The following RGS6 variants were observed in gnomAD, a reference collection of about 807,000 sequenced individuals.
RGS6 encodes regulator of G-protein signaling 6.
RGS6 carries 30 observed loss-of-function variants against 78.5 expected under a neutral mutation model. That is an observed-to-expected ratio of 0.38 (90% CI 0.29 to 0.52). The LOEUF (loss-of-function observed/expected upper bound fraction) is 0.52. RGS6 is among the 20% of genes least tolerant of loss of function. The probability of loss-of-function intolerance (pLI) is 0.85; values close to 1 mark genes in which losing one functional copy is unlikely to be tolerated. For missense variants in RGS6, 495 were observed against 609.7 expected (o/e 0.81, Z 1.98); for synonymous variants, 206 against 206.0 (o/e 1.00, Z 0.00).
chr14:72,281,732 C>A (rs2061620109), intron 2 of RGS6, among the ~76,000 whole-genome samples: 1 of 152,044 alleles, frequency 6.6e-6, no homozygotes, highest in Non-Finnish European at 1.5e-5. Context: ...CAAGCAAAGG[C>A]CCTAAGGCAA....
intron 2 of RGS6, among the ~76,000 whole-genome samples, chr14:72,141,567 G>A (rs938191288): frequency 3.9e-5 from 6 of 152,168 alleles, no homozygotes; most frequent in South Asian, 2.1e-4. Flanking sequence ...AAACCTTGTG[G>A]TTGTCATGCT....
At chr14:72,112,298 G>C (rs1442033856) in intron 2 of RGS6, among the ~76,000 whole-genome samples, 1 of 152,136 alleles carries the variant, frequency 6.6e-6, no homozygotes, top group Non-Finnish European at 1.5e-5. Context: ...CAGTTCGTTG[G>C]TGGTGGTTAT....
Position 72,225,528 on chromosome 14 carries a change from C to A in RGS6, c.85-126567C>A, listed in dbSNP as rs979556621. 7.2e-5 allele frequency among the ~76,000 whole-genome samples: 11 copies of A among 152,144 alleles called. No individual in the cohort carries two copies. The East Asian group carries it at 1.7e-3, about 24-fold the overall frequency. On this transcript the variant is annotated intron_variant, in intron 2 of 17. Transcript: ENST00000553525. ...TAATTTTGTAGAAATGGGTTTTCAT[C>A]ATGTTGCCCAGGCTGGTCTTGAACT...
In RGS6 at chr14:72,225,219, T is replaced by C. The variant is rs145537105; in HGVS notation, c.85-126876T>C. Among the ~76,000 whole-genome samples the C allele has an allele frequency of 4.3e-4, 66 of 152,364 alleles. 1 individual carries two copies. Among genetic ancestry groups the C allele is most frequent in the African/African-American group, 1.6e-3 (65 of 41,588 alleles). On this transcript the variant is annotated intron_variant, in intron 2 of 17. Transcript: ENST00000553525. ...AATGAAGATGATATTCTCTGGCATA[T>C]GAGTTTTGCAACCTCAGGGTTAGTC...
chr14:72,228,642 ATAG>A (rs1276128452), intron 2 of RGS6, among the ~76,000 whole-genome samples: 8 of 152,222 alleles, frequency 5.3e-5, no homozygotes, highest in Admixed American at 5.2e-4. Flanking sequence ...GAATGTAGCA[ATAG>A]TAGTGTGGGA....
intron 1 of RGS6, among the ~76,000 whole-genome samples, chr14:71,936,103 T>C (rs1028035385): frequency 2.7e-5 from 4 of 148,438 alleles, no homozygotes; most frequent in African/African-American, 7.4e-5. Context: ...TATATACATA[T>C]GATATATGTA....
rs1347206888 is a variant in RGS6, at chr14:72,562,469, C to T, written c.*2C>T. On this transcript the variant is annotated 3_prime_UTR_variant, in exon 18 of 18. Coordinates refer to ENST00000553525, the MANE Select transcript of RGS6 (RefSeq NM_001204424.2). ...ACGGGCCTGATGCAGTCCTCCTGAC[C>T]GTTCCTACCGCAGGTCCAGGGCCTG... is the stretch of plus-strand genomic sequence containing the variant. 3.1e-6 allele frequency: 5 copies of T among 1,612,396 alleles called. No homozygotes were observed.
chr14:72,081,481 A>G (rs1425124519), intron 2 of RGS6, among the ~76,000 whole-genome samples: 2 of 152,012 alleles, frequency 1.3e-5, no homozygotes, highest in Non-Finnish European at 2.9e-5. Context: ...TCAAATATGT[A>G]TTTCTGCTGT....
chr14:72,043,615 C>T lies in RGS6; in HGVS notation c.84+78740C>T, dbSNP rs76096481. ...AAATGTCTGCTGCAACTTTCATCCT[C>T]TATAGATGTTTCCCTCCTTTTGGCT... is the stretch of plus-strand genomic sequence containing the variant. On this transcript the variant is annotated intron_variant, in intron 2 of 17. Transcript: ENST00000553525. Among the ~76,000 whole-genome samples the T allele has an allele frequency of 2.6e-3, 396 of 152,294 alleles. 1 individual carries two copies. Among genetic ancestry groups the T allele is most frequent in the Non-Finnish European group, 4.3e-3 (295 of 68,026 alleles).
chr14:72,421,046 T>G (rs1245636740), intron 3 of RGS6: 1 of 151,706 alleles, frequency 6.6e-6, no homozygotes, highest in Non-Finnish European at 1.5e-5. Context: ...ACTTCTGCTT[T>G]CAGCCAACAG....
At chr14:72,497,181 G>A (rs1452307395) in intron 13 of RGS6, among the ~76,000 whole-genome samples, 2 of 152,162 alleles carry the variant, frequency 1.3e-5, no homozygotes, top group African/African-American at 2.4e-5. Context: ...GAGCAAAACT[G>A]TAACACATCT....
At chr14:72,511,860 G>A (rs752357960) in intron 14 of RGS6, 1 of 152,242 alleles carries the variant, frequency 6.6e-6, no homozygotes, top group African/African-American at 2.4e-5. Flanking sequence ...GCCTTTCCTT[G>A]TGCTGAAGCA....
chr14:72,186,324 A>C (rs2097246417), intron 2 of RGS6, among the ~76,000 whole-genome samples: 1 of 152,210 alleles, frequency 6.6e-6, no homozygotes, highest in Non-Finnish European at 1.5e-5. Flanking sequence ...AATACAGCCG[A>C]GTTTGCGTAA....
At chr14:72,540,164 T>G in intron 17 of RGS6, 70 bp downstream of exon 17, 1 of 1,532,170 alleles carries the variant, frequency 6.5e-7, no homozygotes, top group Non-Finnish European at 8.8e-7. Context: ...CTTCTTTTTT[T>G]TTTTTTTCCC....
In RGS6 at chr14:72,307,924, C is replaced by T. The variant is rs79626017; in HGVS notation, c.85-44171C>T. 2.6e-5 allele frequency among the ~76,000 whole-genome samples: 4 copies of T among 152,232 alleles called. No individual in the cohort carries two copies. In the East Asian group the frequency reaches 7.7e-4, roughly 29 times the overall value. On this transcript the variant is annotated intron_variant, in intron 2 of 17. Coordinates refer to ENST00000553525, the MANE Select transcript of RGS6 (RefSeq NM_001204424.2). ...TTAGAGTTTAGTTTATATAGCTCTT[C>T]CACATGTCTCATTACATTTATTCCT...
At chr14:72,087,071 C>T (rs528771989) in intron 2 of RGS6, among the ~76,000 whole-genome samples, 18 of 152,122 alleles carry the variant, frequency 1.2e-4, no homozygotes, top group Non-Finnish European at 2.2e-4. Context: ...ATATTTTTCT[C>T]TGAGTATTTT....
At chr14:72,353,976 T>A (rs973608809) in intron 3 of RGS6, among the ~76,000 whole-genome samples, 1 of 126,706 alleles carries the variant, frequency 7.9e-6, no homozygotes, top group East Asian at 2.1e-4. Flanking sequence ...AGAGCGAGAC[T>A]CTGTCTCAGC....
intron 12 of RGS6, among the ~76,000 whole-genome samples, chr14:72,481,206 C>T (rs1441851207): frequency 2.0e-5 from 3 of 152,148 alleles, no homozygotes; most frequent in African/African-American, 7.2e-5. Context: ...TGAGTTCATG[C>T]ATGGCAAAAG....
chr14:72,590,207 A>G, the RGS6 span, among the ~76,000 whole-genome samples: 4 of 152,372 alleles, frequency 2.6e-5, no homozygotes, highest in Admixed American at 6.5e-5. Context: ...AAGTAGTCCA[A>G]TGACTTTGGA....
Sources: allele counts gnomAD v4.1 joint callset (sites outside exome capture counted in the v4.1 genomes callset), GRCh38; gene constraint gnomAD v4.1.1; transcripts MANE v1.5; gene names NCBI Gene and HGNC (gene_info 2026-07-23, HGNC 2026-07-21).